The following KLK5 variants were observed in gnomAD, a reference collection of about 807,000 sequenced individuals.
KLK5 encodes the protein kallikrein related peptidase 5.
A neutral mutation model predicts 24.0 loss-of-function variants in KLK5; 18 were observed. That is an observed-to-expected ratio of 0.75 (90% CI 0.52 to 1.11). KLK5 has a LOEUF of 1.11. KLK5 is among the 50% of genes most tolerant of loss of function. KLK5 has a pLI of 0.00. For missense variants in KLK5, 374 were observed against 379.2 expected (o/e 0.99, Z 0.11); for synonymous variants, 140 against 154.0 (o/e 0.91, Z 0.67).
chr19:50,950,113 T>C lies in KLK5; in HGVS notation c.77A>G (p.His26Arg), dbSNP rs775791294. The change falls in exon 3 of 6, where the codon CAT becomes CGT. Residue 26 changes from histidine to arginine, a missense_variant. Coordinates refer to ENST00000336334, the MANE Select transcript of KLK5 (RefSeq NM_012427.5). ...GGAAACATCATTGTTGGCGAGAACA[T>C]GCTCTGGGAACGGAAAATGGGTTGG... Reference protein sequence around the residue: ...ITALLLGVTEHVLANNDVSCD... With the variant: ...ITALLLGVTERVLANNDVSCD... The C allele has an allele frequency of 8.7e-6, 14 of 1,605,066 alleles. No homozygotes were observed. The Admixed American group carries it at 1.7e-4, about 19-fold the overall frequency.
chr19:50,950,824 A>T (rs547532496), intron 2 of KLK5, among the ~76,000 whole-genome samples: 3 of 145,838 alleles, frequency 2.1e-5, no homozygotes, highest in African/African-American at 7.7e-5. Context: ...CCTGGGAGGC[A>T]GAGGTTGCAG....
chr19:50,952,428 A>C (rs2090695359), intron 2 of KLK5, among the ~76,000 whole-genome samples, 157 bp downstream of exon 2: 1 of 152,158 alleles, frequency 6.6e-6, no homozygotes, highest in South Asian at 2.1e-4. Context: ...ACAGGGCCAC[A>C]TACGATCGCA....
At position 50,944,463 on chromosome 19, in the gene KLK5, C is replaced by T. The variant is rs76695145; in HGVS notation, c.727-677G>A. 4.9e-3 allele frequency among the ~76,000 whole-genome samples: 753 copies of T among 152,222 alleles called. 6 individuals carry two copies. Among genetic ancestry groups the T allele is most frequent in the South Asian group, 0.017 (81 of 4,808 alleles). ...TTCTGTTCCAGCCTGTCTCCCTCAT[C>T]GTGTATCTCTCCGCCTCCCTTTCTC... is the stretch of plus-strand genomic sequence containing the variant. On this transcript the variant is annotated intron_variant, in intron 5 of 5. Transcript: ENST00000336334.
At position 50,948,671 on chromosome 19, in the gene KLK5, G is replaced by T; in HGVS notation, c.695C>A (p.Ala232Asp). Residue 232 changes from alanine (A) to aspartate (D), a missense_variant, in exon 5 of 6, where the codon GCC becomes GAC. By Grantham distance (126) the Ala-to-Asp change is moderately radical. Transcript: ENST00000336334. ...GGAGTCTCTACCTGCTTTGTCACCGGCGCAGAACATGGTGTCATCTATCTG... is the reference window on the plus strand; with the variant it reads ...GGAGTCTCTACCTGCTTTGTCACCGTCGCAGAACATGGTGTCATCTATCTG... ...PRQIDDTMFC[A>D]GDKAGRDSCQ... The T allele has an allele frequency of 6.2e-7, 1 of 1,614,132 alleles. No homozygotes were observed. Among genetic ancestry groups the T allele is most frequent in the Non-Finnish European group, 8.5e-7 (1 of 1,180,036 alleles).
intron 2 of KLK5, among the ~76,000 whole-genome samples, chr19:50,951,056 G>A (rs1005775689): frequency 6.6e-6 from 1 of 152,106 alleles, no homozygotes; most frequent in Admixed American, 6.5e-5. Context: ...CTCATGGGCG[G>A]AGCTAGGGTT....
Position 50,952,756 on chromosome 19 carries a change from C to T in KLK5, c.-21G>A. The T allele has an allele frequency of 1.2e-6, 1 of 819,370 alleles. No individual in the cohort carries two copies. Among genetic ancestry groups the T allele is most frequent in the Non-Finnish European group, 1.9e-6 (1 of 537,488 alleles). The allele number at this position is 819,370 out of a possible 1,614,324, so 50.8% of individuals were successfully genotyped here. On this transcript the variant is annotated 5_prime_UTR_variant, in exon 1 of 6. Coordinates refer to ENST00000336334, the MANE Select transcript of KLK5 (RefSeq NM_012427.5). ...CCCCTCCCTCCCCTACCTTATTTCC[C>T]CAGGTAGAGAGGAACCACAAGGACG... is the stretch of plus-strand genomic sequence containing the variant.
chr19:50,950,702 G>A (rs2090679362), intron 2 of KLK5, among the ~76,000 whole-genome samples: 1 of 152,062 alleles, frequency 6.6e-6, no homozygotes, highest in Non-Finnish European at 1.5e-5. Context: ...GACCAGCCTG[G>A]CCAACAAGGT....
chr19:50,944,054 A>G (rs2090610775), intron 5 of KLK5, among the ~76,000 whole-genome samples: 1 of 151,348 alleles, frequency 6.6e-6, no homozygotes, highest in South Asian at 2.1e-4. Context: ...CCCAGGTTGG[A>G]GCGCAGTGGC....
intron 5 of KLK5, among the ~76,000 whole-genome samples, chr19:50,946,638 C>A (rs1231238610): frequency 6.6e-6 from 1 of 151,884 alleles, no homozygotes; most frequent in Non-Finnish European, 1.5e-5. Flanking sequence ...CGGCTCACTG[C>A]AAGTTCCGCC....
At position 50,943,608 on chromosome 19, in the gene KLK5, G is replaced by A. The variant is rs375497016; in HGVS notation, c.*23C>T. 1.3e-5 allele frequency: 21 copies of A among 1,602,460 alleles called. No individual in the cohort carries two copies. Among genetic ancestry groups the A allele is most frequent in the African/African-American group, 8.0e-5 (6 of 74,700 alleles). On this transcript the variant is annotated 3_prime_UTR_variant, in exon 6 of 6. Transcript: ENST00000336334. ...TGTCCCTGCAGCAGGTGGGGATGCC[G>A]GTGTGCTGAGTCCTGGGATGACTCA... is the stretch of plus-strand genomic sequence containing the variant.
chr19:50,946,269 G>A (rs539126135), intron 5 of KLK5, among the ~76,000 whole-genome samples: 15 of 152,246 alleles, frequency 9.9e-5, no homozygotes, highest in African/African-American at 3.6e-4. Flanking sequence ...TGTAAAATAG[G>A]GCCAATAATA....
rs750881474 is a variant in KLK5, at chr19:50,943,640, G to T, written c.873C>A (p.Ala291=). 13 of 1,613,762 alleles carry T rather than the reference G, an allele frequency of 8.1e-6. No homozygotes were observed. The highest frequency in any genetic ancestry group is 1.1e-5 in the Non-Finnish European group (13 of 1,179,856). Residue 291 remains alanine, a synonymous_variant, in exon 6 of 6, where the codon GCC becomes GCA. Coordinates refer to ENST00000336334, the MANE Select transcript of KLK5 (RefSeq NM_012427.5). The part of the protein sequence containing the change: ...FTKWIQETIQ[A]NS ...TGAGTCCTGGGATGACTCAGGAGTT[G>T]GCCTGGATGGTTTCCTGGATCCACT...
In KLK5 at chr19:50,947,276, C is replaced by T. The variant is rs1405623306; in HGVS notation, c.726+1364G>A. Among the ~76,000 whole-genome samples, 6 of 152,298 alleles carry T rather than the reference C, an allele frequency of 3.9e-5. No individual in the cohort carries two copies. Among genetic ancestry groups the T allele is most frequent in the East Asian group, 1.9e-4 (1 of 5,178 alleles). The stretch of plus-strand genomic sequence containing the variant: ...TCCAGCGTCACTTTCTACTGTTGCC[C>T]CCACTTTTGTTCTCCAGTTGCATTG... On this transcript the variant is annotated intron_variant, in intron 5 of 5. Transcript: ENST00000336334. The surrounding 1 kb of genome is among the most constrained non-coding windows in gnomAD (Gnocchi z 8.7).
rs1396859117 is a variant in KLK5 at position 50,949,028 on chromosome 19, G to C, written c.423C>G (p.Pro141=). Residue 141 remains proline (P), a synonymous_variant, in exon 4 of 6, where the codon CCC becomes CCG. Coordinates refer to ENST00000336334, the MANE Select transcript of KLK5 (RefSeq NM_012427.5). ...QQMFQGVKSI[P]HPGYSHPGHS... ...GGCCAGGGTGGGAGTAGCCAGGGTG[G>C]GGGATGGATTTGACCCCCTGGAACA... The C allele has an allele frequency of 1.2e-6, 2 of 1,613,758 alleles. No homozygotes were observed. The highest frequency in any genetic ancestry group is 1.3e-5 in the African/African-American group (1 of 74,830).
intron 2 of KLK5, among the ~76,000 whole-genome samples, chr19:50,950,699 C>T (rs528026486): frequency 2.8e-4 from 43 of 152,096 alleles, no homozygotes; most frequent in Non-Finnish European, 5.3e-4. Context: ...TGAGACCAGC[C>T]TGGCCAACAA....
chr19:50,951,279 T>G (rs1156606850), intron 2 of KLK5, among the ~76,000 whole-genome samples: 1 of 152,020 alleles, frequency 6.6e-6, no homozygotes, highest in Non-Finnish European at 1.5e-5. Context: ...TTTTTTTTCT[T>G]TTTTTCTTTC....
At chr19:50,946,749 CAG>C (rs751053312) in intron 5 of KLK5, among the ~76,000 whole-genome samples, 2 of 151,864 alleles carry the variant, frequency 1.3e-5, no homozygotes, top group Non-Finnish European at 2.9e-5. Context: ...TTAGTAGAGA[CAG>C]GGTTTCACCG....
At chr19:50,946,633 C>G (rs1020583777) in intron 5 of KLK5, among the ~76,000 whole-genome samples, 1 of 151,874 alleles carries the variant, frequency 6.6e-6, no homozygotes, top group African/African-American at 2.4e-5. Context: ...AACCTCGGCT[C>G]ACTGCAAGTT....
chr19:50,951,968 T>C (rs1463655847), intron 2 of KLK5, among the ~76,000 whole-genome samples: 5 of 151,588 alleles, frequency 3.3e-5, no homozygotes, highest in Admixed American at 1.3e-4. Context: ...CCATCACACA[T>C]ACAGTAGCAT....
Sources: gnomAD v4.1 joint callset for allele counts (sites outside exome capture counted in the v4.1 genomes callset) on GRCh38, gnomAD v4.1.1 for gene constraint, Gnocchi (gnomAD v3.1) non-coding constraint, MANE v1.5 for transcripts, NCBI Gene and HGNC (gene_info 2026-07-23, HGNC 2026-07-21) for gene names.